Variants in MINDY2 observed in about 807,000 individuals in gnomAD.
MINDY2 encodes ubiquitin carboxyl-terminal hydrolase MINDY-2.
A neutral mutation model predicts 68.2 loss-of-function variants in MINDY2; 52 were observed. The ratio of observed to expected loss-of-function variants is 0.76; its 90% confidence interval spans 0.61 to 0.96. MINDY2 has a LOEUF of 0.96. Among genes scored for constraint, MINDY2 ranks in the 40% least tolerant of loss-of-function variants. MINDY2 has a pLI of 0.00. For missense variants in MINDY2, 881 were observed against 773.4 expected (o/e 1.14, Z -1.65); for synonymous variants, 372 against 303.0 (o/e 1.23, Z -2.36).
chr15:58,781,728 C>T (rs192733234), intron 1 of MINDY2, among the ~76,000 whole-genome samples: 92 of 152,044 alleles, frequency 6.1e-4, no homozygotes, highest in African/African-American at 1.8e-3. Flanking sequence ...GATGGTGAAA[C>T]GCTGTCTCTA....
chr15:58,826,405 T>C (rs2031398869), intron 5 of MINDY2, among the ~76,000 whole-genome samples: 1 of 151,998 alleles, frequency 6.6e-6, no homozygotes, highest in Admixed American at 6.6e-5. Flanking sequence ...AATTTTGTAT[T>C]TTTAGTAGAG....
chr15:58,775,521 G>A (rs1055013885), intron 1 of MINDY2, among the ~76,000 whole-genome samples: 14 of 152,226 alleles, frequency 9.2e-5, no homozygotes, highest in African/African-American at 3.4e-4. Flanking sequence ...AAGTAAGATT[G>A]TAGTGAGTGT....
At chr15:58,845,049 A>G (rs968814388) in intron 6 of MINDY2, among the ~76,000 whole-genome samples, 3 of 152,128 alleles carry the variant, frequency 2.0e-5, no homozygotes, top group Non-Finnish European at 4.4e-5. Context: ...TCTAGAAAAA[A>G]AAAAATCTCA....
rs766561644 is a variant in MINDY2 at position 58,771,498 on chromosome 15, C to T, written c.103C>T (p.Leu35Phe). 1.9e-6 allele frequency: 3 copies of T among 1,612,412 alleles called. No homozygotes were observed. Among genetic ancestry groups the T allele is most frequent in the Middle Eastern group, 1.7e-4 (1 of 6,042 alleles). ...SSQEGLQETR[L>F]AAGDGPGVWA... is the part of the protein sequence containing the mutation. ...GCAGGAAGGGCTACAGGAGACCAGGCTCGCCGCTGGTGATGGTCCTGGGGT... is the reference window on the plus strand; with the variant it reads ...GCAGGAAGGGCTACAGGAGACCAGGTTCGCCGCTGGTGATGGTCCTGGGGT... The change falls in exon 1 of 9, where the codon CTC becomes TTC. Residue 35 changes from leucine (L) to phenylalanine (F), a missense_variant. Leu to Phe is a conservative substitution (Grantham distance 22). Transcript: ENST00000559228.
chr15:58,853,498 A>G (rs1442541136), intron 8 of MINDY2, among the ~76,000 whole-genome samples: 1 of 151,974 alleles, frequency 6.6e-6, no homozygotes, highest in Non-Finnish European at 1.5e-5. Context: ...CAAACTCCCA[A>G]TTCTCAGGGG....
intron 8 of MINDY2, among the ~76,000 whole-genome samples, chr15:58,853,436 G>A (rs1349719754): frequency 6.6e-6 from 1 of 152,070 alleles, no homozygotes; most frequent in African/African-American, 2.4e-5. Flanking sequence ...ACCATGTTAT[G>A]TGTAGGTTTT....
intron 7 of MINDY2, among the ~76,000 whole-genome samples, chr15:58,849,376 G>A (rs892924752): frequency 4.0e-5 from 6 of 151,862 alleles, no homozygotes; most frequent in Admixed American, 6.6e-5. Context: ...ATGGTGGCAC[G>A]CACCTGTAGT....
rs1481103448 is a variant in MINDY2 at position 58,860,311 on chromosome 15, C to T, written c.*5701C>T. 6.6e-6 allele frequency: 1 copy of T among 152,122 alleles called. No homozygotes were observed. Among genetic ancestry groups the T allele is most frequent in the African/African-American group, 2.4e-5 (1 of 41,438 alleles). 9.4% of individuals were successfully genotyped at this position (152,122 alleles called of 1,614,324 possible). A position where few individuals can be genotyped will look rare whatever the true frequency, so the allele number is the denominator to read the frequency against. On this transcript the variant is annotated 3_prime_UTR_variant, in exon 9 of 9. Transcript: ENST00000559228. ...ACTGGCCCGGTGCGGTGGCTCATGC[C>T]TGTAATCCCAGCACTTTGGGAGGCT...
chr15:58,794,411 AT>A (rs1451989286), intron 2 of MINDY2, among the ~76,000 whole-genome samples: 10 of 150,836 alleles, frequency 6.6e-5, no homozygotes, highest in African/African-American at 2.4e-4. Context: ...AGAATAAAAT[AT>A]TTTTGTTGGA....
intron 4 of MINDY2, among the ~76,000 whole-genome samples, chr15:58,818,603 C>A (rs921240948): frequency 6.7e-6 from 1 of 149,092 alleles, no homozygotes; most frequent in East Asian, 2.0e-4. Flanking sequence ...TATTTGACAT[C>A]TTTTTTTATT....
At chr15:58,809,802 C>CA (rs1256807421) in intron 3 of MINDY2, among the ~76,000 whole-genome samples, 12 of 152,166 alleles carry the variant, frequency 7.9e-5, no homozygotes, top group African/African-American at 2.9e-4. Context: ...TTTTTTGAGA[C>CA]AGAGTCTCGC....
rs2033226427 is a variant in MINDY2, at chr15:58,861,851, T to G, written c.*7241T>G. ...CCAGTGAATAACACCTGTAGTATTT[T>G]TTATTATAGATTATATTTTATTTCA... On this transcript the variant is annotated 3_prime_UTR_variant, in exon 9 of 9. Coordinates refer to ENST00000559228, the MANE Select transcript of MINDY2 (RefSeq NM_001040450.3). 6.6e-6 allele frequency: 1 copy of G among 152,224 alleles called. No homozygotes were observed. The highest frequency in any genetic ancestry group is 2.1e-4 in the South Asian group (1 of 4,838). 9.4% of individuals were successfully genotyped at this position (152,224 alleles called of 1,614,324 possible).
intron 3 of MINDY2, among the ~76,000 whole-genome samples, chr15:58,803,122 A>G (rs1902775528): frequency 6.6e-6 from 1 of 152,222 alleles, no homozygotes; most frequent in African/African-American, 2.4e-5. Flanking sequence ...TTGTCTTGCA[A>G]AATTTCTTGA....
intron 1 of MINDY2, among the ~76,000 whole-genome samples, chr15:58,777,312 T>G (rs980987315): frequency 3.3e-5 from 5 of 152,176 alleles, no homozygotes; most frequent in Non-Finnish European, 1.5e-5. Flanking sequence ...GCTGATCATC[T>G]GAAATTATTA....
At chr15:58,774,432 C>T (rs909534262) in intron 1 of MINDY2, among the ~76,000 whole-genome samples, 8 of 146,762 alleles carry the variant, frequency 5.5e-5, no homozygotes, top group African/African-American at 1.8e-4. Flanking sequence ...TGCGGTTAGC[C>T]GAGATCACGC....
intron 1 of MINDY2, among the ~76,000 whole-genome samples, chr15:58,773,141 AAAAC>A (rs1900551635): frequency 6.6e-6 from 1 of 151,528 alleles, no homozygotes; most frequent in African/African-American, 2.4e-5. Flanking sequence ...CTAGGAAAAA[AAAAC>A]AAAACAAACT....
chr15:58,837,958 G>C (rs1213344487), intron 6 of MINDY2, among the ~76,000 whole-genome samples: 1 of 99,480 alleles, frequency 1.0e-5, no homozygotes, highest in Non-Finnish European at 1.8e-5. Flanking sequence ...GACAGAGTAA[G>C]ACCTTCTTTC....
chr15:58,796,206 T>A lies in MINDY2; in HGVS notation c.899-6107T>A, dbSNP rs1476143047. On this transcript the variant is annotated intron_variant, in intron 2 of 8. Coordinates refer to ENST00000559228, the MANE Select transcript of MINDY2 (RefSeq NM_001040450.3). Reference sequence around the variant, plus strand: ...AAGGCTTAATGGAGAACATGTGACTTGTATCCGGCTTTGAAGCATAGTTAG... The same window carrying A: ...AAGGCTTAATGGAGAACATGTGACTAGTATCCGGCTTTGAAGCATAGTTAG... 1.1e-5 allele frequency: 5 copies of A among 450,580 alleles called. No individual in the cohort carries two copies. The East Asian group carries it at 3.5e-4, about 31-fold the overall frequency. 27.9% of individuals were successfully genotyped at this position (450,580 alleles called of 1,614,324 possible).
intron 4 of MINDY2, 48 bp downstream of exon 4, chr15:58,810,436 TATTA>T (rs2030154938): frequency 6.9e-7 from 1 of 1,454,700 alleles, no homozygotes; most frequent in African/African-American, 1.5e-5. Flanking sequence ...AGGAAAAATG[TATTA>T]ATTTGGCAAA....
Sources: allele counts gnomAD v4.1 joint callset (sites outside exome capture counted in the v4.1 genomes callset), GRCh38; gene constraint gnomAD v4.1.1; transcripts MANE v1.5; gene names NCBI Gene and HGNC (gene_info 2026-07-23, HGNC 2026-07-21).